The following MAST4 variants were observed in gnomAD, a reference collection of about 807,000 sequenced individuals.
MAST4 encodes the protein microtubule associated serine/threonine kinase family member 4, also known as microtubule-associated serine/threonine-protein kinase 4.
A neutral mutation model predicts 162.7 loss-of-function variants in MAST4; 89 were observed. That is an observed-to-expected ratio of 0.55 (90% CI 0.46 to 0.65). The LOEUF (loss-of-function observed/expected upper bound fraction) is 0.65, where lower values mean the gene tolerates loss of function less well. MAST4 is among the 30% of genes least tolerant of loss of function. The pLI is 0.00. For missense variants in MAST4, 3,153 were observed against 3,374.0 expected (o/e 0.93, Z 1.62); for synonymous variants, 1,479 against 1,361.1 (o/e 1.09, Z -1.91).
At chr5:67,119,456 G>T (rs1332720949) in intron 13 of MAST4, among the ~76,000 whole-genome samples, 1 of 152,144 alleles carries the variant, frequency 6.6e-6, no homozygotes, top group African/African-American at 2.4e-5. Flanking sequence ...AGTCTGTGTA[G>T]CCTGGGGGAT....
At chr5:66,827,087 C>G (rs372829091) in intron 3 of MAST4, among the ~76,000 whole-genome samples, 9 of 152,334 alleles carry the variant, frequency 5.9e-5, no homozygotes, top group African/African-American at 2.2e-4. Flanking sequence ...AAAGATAGAA[C>G]AAGGCTGGCC....
At chr5:66,980,505 C>T (rs541211260) in intron 4 of MAST4, among the ~76,000 whole-genome samples, 1 of 152,230 alleles carries the variant, frequency 6.6e-6, no homozygotes, top group African/African-American at 2.4e-5. Flanking sequence ...ACTAAAGAAA[C>T]CATGTGTGGT....
At chr5:66,910,755 CTTTTTTTTTTT>C (rs1157602201) in intron 4 of MAST4, among the ~76,000 whole-genome samples, 4 of 28,886 alleles carry the variant, frequency 1.4e-4, no homozygotes, top group Non-Finnish European at 1.7e-4. Flanking sequence ...TTTTTTTTTT[CTTTTTTTTTTT>C]TTTGAGATGG....
In MAST4 at chr5:67,163,360, G is replaced by A. The variant is rs778158684; in HGVS notation, c.4181G>A (p.Arg1394Gln). The change falls in exon 29 of 29, where the codon CGG (arginine) becomes CAG (glutamine). Residue 1394 changes from arginine to glutamine, a missense_variant. Transcript: ENST00000403625. This position sits in a 1 kb window ranked among gnomAD's most constrained non-coding sequence, Gnocchi z 7.0. ...SPTPQPTSPQ[R>Q]SPSPLLGHSL... ...ACCCCGCAACCCACCTCCCCGCAGC[G>A]GTCACCATCCCCTCTTCTGGGACAC... The A allele has an allele frequency of 9.3e-6, 15 of 1,612,426 alleles. No homozygotes were observed. The South Asian group carries it at 1.1e-4, about 12-fold the overall frequency.
At chr5:66,961,240 T>C (rs982204138) in intron 4 of MAST4, among the ~76,000 whole-genome samples, 22 of 152,256 alleles carry the variant, frequency 1.4e-4, no homozygotes, top group Non-Finnish European at 3.1e-4. Context: ...GAAAGTCTTA[T>C]CACAGATTCT....
At chr5:67,078,921 T>TATAG (rs1561622186) in intron 5 of MAST4, among the ~76,000 whole-genome samples, 1 of 73,332 alleles carries the variant, frequency 1.4e-5, no homozygotes, top group Non-Finnish European at 2.3e-5. Context: ...AATATATATA[T>TATAG]ATATATATAT....
chr5:66,729,836 A>G (rs1357101931), intron 1 of MAST4, among the ~76,000 whole-genome samples: 2 of 152,216 alleles, frequency 1.3e-5, no homozygotes, highest in African/African-American at 4.8e-5. Context: ...TTTAAAATTA[A>G]TAAGTGCTGA....
At chr5:66,943,361 A>G (rs575499712) in intron 4 of MAST4, among the ~76,000 whole-genome samples, 28 of 152,240 alleles carry the variant, frequency 1.8e-4, no homozygotes, top group African/African-American at 6.5e-4. Flanking sequence ...GCATGTTCTC[A>G]TTGTGTTTAG....
intron 4 of MAST4, among the ~76,000 whole-genome samples, chr5:67,011,744 G>A (rs1752697406): frequency 6.6e-6 from 1 of 152,186 alleles, no homozygotes; most frequent in Non-Finnish European, 1.5e-5. Flanking sequence ...GCAGAAATAT[G>A]CACAGTTCAA....
intron 5 of MAST4, among the ~76,000 whole-genome samples, chr5:67,065,825 T>C (rs535846553): frequency 1.2e-4 from 19 of 152,362 alleles, no homozygotes; most frequent in African/African-American, 4.3e-4. Context: ...GTATGAGTAC[T>C]TCTCTACAAA....
chr5:66,708,602 T>G (rs1750295435), intron 1 of MAST4, among the ~76,000 whole-genome samples: 1 of 152,236 alleles, frequency 6.6e-6, no homozygotes, highest in South Asian at 2.1e-4. Context: ...GGTTTCTGTT[T>G]TGTCTAAACT....
chr5:66,986,980 TAAAG>T (rs1436505279), intron 4 of MAST4, among the ~76,000 whole-genome samples: 1 of 152,178 alleles, frequency 6.6e-6, no homozygotes, highest in African/African-American at 2.4e-5. Flanking sequence ...CTCAAAATCT[TAAAG>T]AAGTGTAAGA....
At chr5:66,821,282 G>A (rs906287016) in intron 3 of MAST4, among the ~76,000 whole-genome samples, 4 of 152,174 alleles carry the variant, frequency 2.6e-5, no homozygotes, top group Non-Finnish European at 4.4e-5. Context: ...TTTATTTGGT[G>A]AGAAAAAGAC....
intron 5 of MAST4, among the ~76,000 whole-genome samples, chr5:67,084,023 C>T (rs1762958824): frequency 6.6e-6 from 1 of 152,172 alleles, no homozygotes; most frequent in South Asian, 2.1e-4. Flanking sequence ...CCCATTTTAA[C>T]ACATCTCCAA....
intron 1 of MAST4, among the ~76,000 whole-genome samples, chr5:66,693,202 C>G (rs958055562): frequency 1.3e-5 from 2 of 152,064 alleles, no homozygotes; most frequent in Admixed American, 6.6e-5. Flanking sequence ...GTTTGCCTTG[C>G]TTTCAACAAG....
At chr5:66,671,368 T>C (rs911409901) in intron 1 of MAST4, among the ~76,000 whole-genome samples, 1 of 152,126 alleles carries the variant, frequency 6.6e-6, no homozygotes, top group African/African-American at 2.4e-5. Context: ...GTGAAGAGGG[T>C]ACAAGAGTGA....
intron 1 of MAST4, among the ~76,000 whole-genome samples, chr5:66,684,599 G>T (rs753772909): frequency 1.3e-5 from 2 of 152,124 alleles, no homozygotes; most frequent in Non-Finnish European, 2.9e-5. Context: ...TAAAAGTCAG[G>T]GTTGAAAACC....
chr5:67,016,552 CTTTGT>C (rs1174107086), intron 4 of MAST4, among the ~76,000 whole-genome samples: 2 of 152,182 alleles, frequency 1.3e-5, no homozygotes, highest in Admixed American at 6.5e-5. Flanking sequence ...GTAGGTTTTA[CTTTGT>C]TTTAAGATTG....
chr5:66,686,926 T>TA (rs1349173931), intron 1 of MAST4, among the ~76,000 whole-genome samples: 1 of 152,180 alleles, frequency 6.6e-6, no homozygotes, highest in African/African-American at 2.4e-5. Flanking sequence ...TTTAGCTAAT[T>TA]AAAAAAATTT....
Sources: gnomAD v4.1 joint callset for allele counts (sites outside exome capture counted in the v4.1 genomes callset) on GRCh38, gnomAD v4.1.1 for gene constraint, Gnocchi (gnomAD v3.1) non-coding constraint, MANE v1.5 for transcripts, NCBI Gene and HGNC (gene_info 2026-07-23, HGNC 2026-07-21) for gene names.